The following UBE2D2 variants were observed in gnomAD, a reference collection of about 807,000 sequenced individuals.
UBE2D2 encodes the protein ubiquitin conjugating enzyme E2 D2, also known as ubiquitin-conjugating enzyme E2 D2.
A neutral mutation model predicts 24.2 loss-of-function variants in UBE2D2; 2 were observed. That is an observed-to-expected ratio of 0.08 (90% confidence interval 0.03 to 0.26). UBE2D2 has a LOEUF of 0.26. Ranked by LOEUF, UBE2D2 falls within the 10% of genes least tolerant of loss-of-function variation. The pLI is 1.00. For synonymous variants in UBE2D2, 58 were observed against 56.5 expected, an observed-to-expected ratio of 1.03 and a Z score of -0.12; for missense variants, 44 against 177.6, an observed-to-expected ratio of 0.25 and a Z score of 4.28.
intron 1 of UBE2D2, among the ~76,000 whole-genome samples, chr5:139,599,144 A>G (rs1300999136): frequency 2.0e-5 from 3 of 151,568 alleles, no homozygotes; most frequent in African/African-American, 7.3e-5. Context: ...TCACCAGGCT[A>G]GGCTGGTCTC....
intron 2 of UBE2D2, among the ~76,000 whole-genome samples, chr5:139,610,571 T>A (rs1302400027): frequency 6.7e-6 from 1 of 149,886 alleles, no homozygotes; most frequent in Non-Finnish European, 1.5e-5. Context: ...TTTTGCTTGA[T>A]ATGAAAAAAA....
intron 1 of UBE2D2, among the ~76,000 whole-genome samples, chr5:139,536,975 C>A (rs960584610): frequency 6.6e-6 from 1 of 151,860 alleles, no homozygotes; most frequent in African/African-American, 2.4e-5. Context: ...GTCAGGAGAT[C>A]GAGACCATCC....
intron 2 of UBE2D2, among the ~76,000 whole-genome samples, chr5:139,612,718 G>T (rs970768999): frequency 2.0e-5 from 3 of 152,188 alleles, no homozygotes; most frequent in Non-Finnish European, 4.4e-5. Flanking sequence ...TACTCAAATT[G>T]TAAGTATATT....
chr5:139,562,347 TCGGTCCAC>T (rs1753123990), intron 1 of UBE2D2: 1 of 1,342,112 alleles, frequency 7.5e-7, no homozygotes, highest in Non-Finnish European at 9.8e-7. Context: ...GCAGCACACA[TCGGTCCAC>T]CCTGCTTGTC....
At position 139,561,789 on chromosome 5, in the gene UBE2D2, A is replaced by G; in HGVS notation, c.-3A>G. On this transcript the variant is annotated 5_prime_UTR_variant, in exon 1 of 7. Coordinates refer to ENST00000398733, the MANE Select transcript of UBE2D2 (RefSeq NM_003339.3). Reference sequence around the variant, plus strand: ...CGGGGGCCGCCGCCACCCGCCTCCCACCATGGCTCTGAAGAGAATCCACAA... The same window carrying G: ...CGGGGGCCGCCGCCACCCGCCTCCCGCCATGGCTCTGAAGAGAATCCACAA... The G allele has an allele frequency of 8.1e-7, 1 of 1,241,210 alleles. No individual in the cohort carries two copies. The highest frequency in any genetic ancestry group is 1.0e-6 in the Non-Finnish European group (1 of 974,420). The allele number at this position is 1,241,210 out of a possible 1,614,324, so 76.9% of individuals were successfully genotyped here.
chr5:139,592,392 A>G (rs891362599), intron 1 of UBE2D2, among the ~76,000 whole-genome samples: 5 of 152,000 alleles, frequency 3.3e-5, no homozygotes, highest in African/African-American at 1.2e-4. Context: ...CATAAAAGTA[A>G]TGAGCTCTGG....
At chr5:139,574,815 C>T (rs1181956059) in intron 1 of UBE2D2, among the ~76,000 whole-genome samples, 2 of 151,168 alleles carry the variant, frequency 1.3e-5, no homozygotes, top group Non-Finnish European at 2.9e-5. Context: ...TGCGAATTTT[C>T]CTGAGCCTCA....
chr5:139,610,228 A>C (rs1754285693), intron 2 of UBE2D2, among the ~76,000 whole-genome samples: 1 of 152,116 alleles, frequency 6.6e-6, no homozygotes, highest in African/African-American at 2.4e-5. Flanking sequence ...AAACGCTACA[A>C]ACACCATTTA....
intron 5 of UBE2D2, among the ~76,000 whole-genome samples, chr5:139,622,806 T>A (rs1048473736): frequency 1.2e-4 from 18 of 151,716 alleles, no homozygotes; most frequent in Non-Finnish European, 1.9e-4. Flanking sequence ...AGGAGAATGG[T>A]GTGAACCTGA....
chr5:139,573,866 G>C (rs1753405977), intron 1 of UBE2D2, among the ~76,000 whole-genome samples: 1 of 152,110 alleles, frequency 6.6e-6, no homozygotes, highest in South Asian at 2.1e-4. Context: ...AGCTACTTGA[G>C]AGGCTGAGGC....
At chr5:139,573,064 G>C (rs1479494151) in intron 1 of UBE2D2, among the ~76,000 whole-genome samples, 1 of 152,062 alleles carries the variant, frequency 6.6e-6, no homozygotes, top group Admixed American at 6.6e-5. Flanking sequence ...CTCTTTGGGA[G>C]GCCGAGACGG....
At chr5:139,531,880 G>A (rs1215006634) in intron 1 of UBE2D2, among the ~76,000 whole-genome samples, 1 of 151,998 alleles carries the variant, frequency 6.6e-6, no homozygotes, top group Non-Finnish European at 1.5e-5. Flanking sequence ...CCAGCTACTC[G>A]GGAGGCTAGG....
At chr5:139,565,244 G>T (rs1197915477) in intron 1 of UBE2D2, among the ~76,000 whole-genome samples, 1 of 152,246 alleles carries the variant, frequency 6.6e-6, no homozygotes, top group Non-Finnish European at 1.5e-5. Flanking sequence ...CGCTATTCAT[G>T]TCTGTGAATT....
intron 6 of UBE2D2, 162 bp downstream of exon 6, chr5:139,623,623 A>T (rs1754558269): frequency 2.0e-6 from 1 of 495,322 alleles, no homozygotes; most frequent in Non-Finnish European, 3.6e-6. Context: ...GAGTATTATT[A>T]TAAGTAGATG....
At chr5:139,538,085 T>G (rs887557602) in intron 1 of UBE2D2, among the ~76,000 whole-genome samples, 11 of 152,046 alleles carry the variant, frequency 7.2e-5, no homozygotes, top group Non-Finnish European at 4.4e-5. Context: ...TGGGCTGGAG[T>G]GCAATGGCAG....
chr5:139,588,139 A>G (rs945700760), intron 1 of UBE2D2, among the ~76,000 whole-genome samples: 26 of 150,584 alleles, frequency 1.7e-4, no homozygotes, highest in African/African-American at 5.6e-4. Context: ...AAATGTTTCT[A>G]TTTTGTAGAG....
intron 1 of UBE2D2, among the ~76,000 whole-genome samples, chr5:139,597,200 A>G (rs185626777): frequency 4.9e-4 from 74 of 152,178 alleles, no homozygotes; most frequent in Admixed American, 2.0e-3. Flanking sequence ...AATTTTCTTC[A>G]TGTCTCTTTT....
At chr5:139,553,937 G>A (rs1474941165) in intron 1 of UBE2D2, among the ~76,000 whole-genome samples, 2 of 151,944 alleles carry the variant, frequency 1.3e-5, no homozygotes, top group Non-Finnish European at 1.5e-5. Flanking sequence ...CCGCCACCAC[G>A]CCTGGCTAAT....
intron 1 of UBE2D2, among the ~76,000 whole-genome samples, chr5:139,593,562 G>T (rs1482323726): frequency 6.6e-6 from 1 of 151,726 alleles, no homozygotes; most frequent in Admixed American, 6.6e-5. Context: ...ACACAAATAG[G>T]TATTGATGTA....
Sources: gnomAD v4.1 joint callset for allele counts (sites outside exome capture counted in the v4.1 genomes callset) on GRCh38, gnomAD v4.1.1 for gene constraint, MANE v1.5 for transcripts, NCBI Gene and HGNC (gene_info 2026-07-23, HGNC 2026-07-21) for gene names.